Variants in MKNK1 observed in about 807,000 individuals in gnomAD.
MKNK1 encodes MAP kinase-interacting serine/threonine-protein kinase 1.
In MKNK1, 30 loss-of-function variants were observed where a neutral mutation model predicts 49.3. That is an observed-to-expected ratio of 0.61 (90% confidence interval 0.46 to 0.83). The LOEUF is 0.83. Among genes scored for constraint, MKNK1 ranks in the 40% least tolerant of loss-of-function variants. The pLI, the probability that MKNK1 is intolerant of heterozygous loss-of-function variation, is 0.00. For missense variants in MKNK1, 423 were observed against 524.7 expected, an observed-to-expected ratio of 0.81 and a Z score of 1.89; for synonymous variants, 176 against 201.7, an observed-to-expected ratio of 0.87 and a Z score of 1.08.
chr1:46,566,631 T>C (rs1272704960), intron 8 of MKNK1, among the ~76,000 whole-genome samples: 2 of 152,236 alleles, frequency 1.3e-5, no homozygotes, highest in Non-Finnish European at 2.9e-5. Context: ...GATTTCTCCA[T>C]AACCGTAACA....
At position 46,557,929 on chromosome 1, in the gene MKNK1, CACAA is replaced by C. The variant is rs999105905; in HGVS notation, c.*642_*645del. ...CGATACTACTGACTTTAGCAGCAAT[CACAA>C]ACAAAGGGGATGATAAACGAGGGAT... On this transcript the variant is annotated 3_prime_UTR_variant, in exon 13 of 13. Coordinates refer to ENST00000371945, the MANE Select transcript of MKNK1 (RefSeq NM_001135553.4). 1 of 152,428 alleles carries C rather than the reference CACAA, an allele frequency of 6.6e-6. No homozygotes were observed. The highest frequency in any genetic ancestry group is 2.4e-5 in the African/African-American group (1 of 41,406). 9.4% of individuals were successfully genotyped at this position (152,428 alleles called of 1,614,324 possible). A position where few individuals can be genotyped will look rare whatever the true frequency, so the allele number is the denominator to read the frequency against.
At chr1:46,594,566 G>A (rs1475007002) in intron 1 of MKNK1, among the ~76,000 whole-genome samples, 1 of 152,136 alleles carries the variant, frequency 6.6e-6, no homozygotes. Context: ...ATTAAGCACT[G>A]GAAGATTTAA....
chr1:46,560,148 C>T, intron 12 of MKNK1, 86 bp downstream of exon 12: 1 of 1,493,560 alleles, frequency 6.7e-7, no homozygotes, highest in South Asian at 1.1e-5. Context: ...CTACCTGAGC[C>T]TAGAGATGGG....
intron 1 of MKNK1, among the ~76,000 whole-genome samples, chr1:46,602,877 C>A (rs924651478): frequency 1.3e-5 from 2 of 152,168 alleles, no homozygotes; most frequent in Admixed American, 6.5e-5. Context: ...TACTCTGGGA[C>A]CACATTACAG....
intron 2 of MKNK1, among the ~76,000 whole-genome samples, chr1:46,585,032 C>T (rs911338524): frequency 5.3e-5 from 8 of 151,940 alleles, no homozygotes; most frequent in Non-Finnish European, 1.2e-4. Flanking sequence ...AGGCAGATCA[C>T]TTGAGGTCAG....
intron 12 of MKNK1, chr1:46,559,601 T>C (rs1667573472): frequency 6.5e-6 from 1 of 154,206 alleles, no homozygotes; most frequent in Non-Finnish European, 1.4e-5. Context: ...AGATTATGGA[T>C]ATAATTATAT....
chr1:46,583,103 C>T, intron 3 of MKNK1, 125 bp downstream of exon 3: 1 of 767,806 alleles, frequency 1.3e-6, no homozygotes, highest in Non-Finnish European at 2.3e-6. Context: ...TATCTCCCTA[C>T]CACACAGATA....
intron 4 of MKNK1, among the ~76,000 whole-genome samples, chr1:46,579,994 G>C (rs1002823430): frequency 6.6e-6 from 1 of 152,036 alleles, no homozygotes. Context: ...ATTTTGTGAC[G>C]TGTAAAGTGT....
At chr1:46,583,184 T>C (rs369616926) in intron 3 of MKNK1, 44 bp downstream of exon 3, 16 of 1,507,270 alleles carry the variant, frequency 1.1e-5, no homozygotes, top group African/African-American at 2.7e-5. Context: ...CCTCCCATGC[T>C]TGGGAAGCTG....
At chr1:46,574,861 G>C (rs761382598) in intron 6 of MKNK1, 86 bp downstream of exon 6, 1 of 905,484 alleles carries the variant, frequency 1.1e-6, no homozygotes, top group Non-Finnish European at 1.7e-6. Context: ...AGCTTGACTC[G>C]TTTTGGAAGT....
At chr1:46,602,486 G>A (rs1370224174) in intron 1 of MKNK1, among the ~76,000 whole-genome samples, 1 of 152,230 alleles carries the variant, frequency 6.6e-6, no homozygotes, top group Non-Finnish European at 1.5e-5. Context: ...AAAACCAAGG[G>A]AAACAGGGAG....
At chr1:46,582,218 C>T (rs1489249430) in intron 3 of MKNK1, among the ~76,000 whole-genome samples, 1 of 152,184 alleles carries the variant, frequency 6.6e-6, no homozygotes, top group Non-Finnish European at 1.5e-5. Flanking sequence ...CACAGACACA[C>T]ACCCCTGCTG....
At chr1:46,567,332 C>T (rs1669241362) in intron 8 of MKNK1, among the ~76,000 whole-genome samples, 1 of 152,200 alleles carries the variant, frequency 6.6e-6, no homozygotes, top group African/African-American at 2.4e-5. Context: ...GTGGTGCAAT[C>T]ATGGCTCACT....
chr1:46,578,926 TG>T (rs1206077572), intron 4 of MKNK1, among the ~76,000 whole-genome samples: 3 of 152,168 alleles, frequency 2.0e-5, no homozygotes, highest in Non-Finnish European at 2.9e-5. Context: ...CTAATATTTT[TG>T]TATTTTTAGT....
intron 3 of MKNK1, among the ~76,000 whole-genome samples, chr1:46,582,393 A>G (rs780959493): frequency 6.6e-6 from 1 of 152,208 alleles, no homozygotes; most frequent in Non-Finnish European, 1.5e-5. Context: ...CCCTTTACAC[A>G]TATCAGGATA....
chr1:46,562,865 G>C (rs1454081628), intron 9 of MKNK1, 22 bp from the exon 10 acceptor site: 2 of 1,587,320 alleles, frequency 1.3e-6, no homozygotes, highest in East Asian at 4.5e-5. Flanking sequence ...AGGGTTGGGG[G>C]AGGGGGAGAT....
chr1:46,565,884 T>C (rs1457144660), intron 8 of MKNK1, among the ~76,000 whole-genome samples: 1 of 152,204 alleles, frequency 6.6e-6, no homozygotes, highest in African/African-American at 2.4e-5. Context: ...CCTGGGCAAG[T>C]CCCTCGACTT....
chr1:46,566,958 T>C (rs981910860), intron 8 of MKNK1, among the ~76,000 whole-genome samples: 1 of 152,240 alleles, frequency 6.6e-6, no homozygotes, highest in Non-Finnish European at 1.5e-5. Context: ...TGATAGATAA[T>C]GTCCTTTGAA....
intron 4 of MKNK1, among the ~76,000 whole-genome samples, chr1:46,580,082 G>A (rs963455167): frequency 6.6e-6 from 1 of 152,162 alleles, no homozygotes; most frequent in Non-Finnish European, 1.5e-5. Context: ...TCATCATTTA[G>A]AGATGTAGGA....
Sources: allele counts gnomAD v4.1 joint callset (sites outside exome capture counted in the v4.1 genomes callset), GRCh38; gene constraint gnomAD v4.1.1; transcripts MANE v1.5; gene names NCBI Gene and HGNC (gene_info 2026-07-23, HGNC 2026-07-21).